The following CTNNA2 variants were observed in gnomAD, a reference collection of about 807,000 sequenced individuals.
The protein encoded by CTNNA2 is catenin alpha-2.
A neutral mutation model predicts 101.0 loss-of-function variants in CTNNA2; 42 were observed. That is an observed-to-expected ratio of 0.42 (90% CI 0.32 to 0.54). The LOEUF (loss-of-function observed/expected upper bound fraction) is 0.54, where lower values mean the gene tolerates loss of function less well. CTNNA2 is among the 20% of genes least tolerant of loss of function. CTNNA2 has a pLI of 0.14. For synonymous variants in CTNNA2, 450 were observed against 456.4 expected, an observed-to-expected ratio of 0.99 and a Z score of 0.18; for missense variants, 871 against 1,223.1, an observed-to-expected ratio of 0.71 and a Z score of 4.29.
intron 2 of CTNNA2, among the ~76,000 whole-genome samples, chr2:79,740,354 T>G (rs1463894920): frequency 6.6e-6 from 1 of 152,172 alleles, no homozygotes; most frequent in Non-Finnish European, 1.5e-5. Context: ...AGCAACAAAT[T>G]TTCTTATTAT....
intron 7 of CTNNA2, among the ~76,000 whole-genome samples, chr2:80,209,262 CA>C (rs1281698738): frequency 2.0e-5 from 3 of 150,374 alleles, no homozygotes; most frequent in Non-Finnish European, 4.4e-5. Context: ...ACTGCAGCGG[CA>C]CGATCCTGGC....
chr2:80,289,829 G>T (rs547096557), intron 7 of CTNNA2, among the ~76,000 whole-genome samples: 1 of 152,266 alleles, frequency 6.6e-6, no homozygotes, highest in South Asian at 2.1e-4. Context: ...TTCCTAATAA[G>T]AAGTCAAAAG....
intron 2 of CTNNA2, among the ~76,000 whole-genome samples, chr2:79,727,829 T>TGA (rs199665439): frequency 0.026 from 3,883 of 150,734 alleles, 67 homozygotes; most frequent in South Asian, 0.06. Context: ...TATGCAGTGT[T>TGA]TGGTTTTTTG....
chr2:79,276,276 A>G (rs895431917), intron 2 of CTNNA2, among the ~76,000 whole-genome samples: 4 of 152,064 alleles, frequency 2.6e-5, no homozygotes, highest in African/African-American at 9.7e-5. Context: ...TTGTTTTTAT[A>G]TATTATTCTA....
intron 4 of CTNNA2, among the ~76,000 whole-genome samples, chr2:79,433,421 G>A (rs948759243): frequency 6.6e-6 from 1 of 152,100 alleles, no homozygotes; most frequent in Non-Finnish European, 1.5e-5. Context: ...GTGCCTAACA[G>A]AGAAAGCTGA....
intron 7 of CTNNA2, among the ~76,000 whole-genome samples, chr2:80,278,017 T>C (rs1674062648): frequency 6.6e-6 from 1 of 152,146 alleles, no homozygotes; most frequent in African/African-American, 2.4e-5. Context: ...TGGGTAGTGG[T>C]TAACAGTGTG....
intron 1 of CTNNA2, among the ~76,000 whole-genome samples, chr2:79,651,133 T>G (rs1681217766): frequency 6.6e-6 from 1 of 152,164 alleles, no homozygotes; most frequent in Non-Finnish European, 1.5e-5. Context: ...TCTAGAACTC[T>G]CTGTGTTTCT....
At chr2:79,217,411 A>G (rs1363039309) in intron 2 of CTNNA2, among the ~76,000 whole-genome samples, 2 of 152,100 alleles carry the variant, frequency 1.3e-5, no homozygotes, top group African/African-American at 4.8e-5. Context: ...AAAGAGAGTC[A>G]GTGAAGGGAG....
At chr2:79,339,734 G>A (rs1677086262) in intron 3 of CTNNA2, 1 of 152,392 alleles carries the variant, frequency 6.6e-6, no homozygotes, top group South Asian at 2.1e-4. Flanking sequence ...GGAAGAGAAA[G>A]AGTGCTGCCC....
intron 7 of CTNNA2, among the ~76,000 whole-genome samples, chr2:80,024,392 G>C (rs1184449743): frequency 1.3e-5 from 2 of 152,194 alleles, no homozygotes; most frequent in Non-Finnish European, 2.9e-5. Context: ...ACTGCATTGA[G>C]TCTTGAGGAG....
chr2:79,663,703 T>G (rs1177019839), intron 2 of CTNNA2, among the ~76,000 whole-genome samples: 1 of 152,200 alleles, frequency 6.6e-6, no homozygotes, highest in Non-Finnish European at 1.5e-5. Context: ...TCAGAACACT[T>G]GTTACTATTT....
chr2:80,415,455 G>T (rs1415033049), intron 8 of CTNNA2, among the ~76,000 whole-genome samples: 2 of 151,766 alleles, frequency 1.3e-5, no homozygotes, highest in Non-Finnish European at 2.9e-5. Flanking sequence ...TTTTCAAGTT[G>T]TTCATCACTA....
chr2:80,063,956 G>C (rs1697791966), intron 7 of CTNNA2, among the ~76,000 whole-genome samples: 1 of 152,124 alleles, frequency 6.6e-6, no homozygotes, highest in Non-Finnish European at 1.5e-5. Context: ...AAGGCTGCAG[G>C]CTGTCACACC....
intron 6 of CTNNA2, among the ~76,000 whole-genome samples, chr2:79,896,856 T>C (rs767388811): frequency 5.9e-5 from 9 of 152,094 alleles, no homozygotes; most frequent in Non-Finnish European, 1.0e-4. Flanking sequence ...GCTGAAACAG[T>C]CAGCAGAGAA....
At chr2:80,522,630 T>G (rs546837289) in intron 9 of CTNNA2, among the ~76,000 whole-genome samples, 1 of 151,954 alleles carries the variant, frequency 6.6e-6, no homozygotes, top group Non-Finnish European at 1.5e-5. Context: ...TGGGAGGTGA[T>G]TGGATCATGG....
At chr2:80,496,517 A>G (rs1171013417) in intron 9 of CTNNA2, among the ~76,000 whole-genome samples, 1 of 151,364 alleles carries the variant, frequency 6.6e-6, no homozygotes, top group Non-Finnish European at 1.5e-5. Context: ...CTCTGCCACT[A>G]GCTAGCTAGC....
intron 7 of CTNNA2, among the ~76,000 whole-genome samples, chr2:80,339,351 T>C (rs1156910498): frequency 6.6e-6 from 1 of 152,196 alleles, no homozygotes; most frequent in Non-Finnish European, 1.5e-5. Context: ...AGGGTATTAA[T>C]GAGGTCTATG....
At chr2:79,824,671 T>G (rs865889889) in intron 3 of CTNNA2, among the ~76,000 whole-genome samples, 9 of 152,236 alleles carry the variant, frequency 5.9e-5, no homozygotes, top group Non-Finnish European at 1.0e-4. Context: ...TGTAGAATAT[T>G]CTAGAGGGGC....
chr2:80,346,906 A>G (rs901430554), intron 7 of CTNNA2, among the ~76,000 whole-genome samples: 1 of 152,240 alleles, frequency 6.6e-6, no homozygotes, highest in East Asian at 1.9e-4. Flanking sequence ...GTTCTAAGAC[A>G]GCAGAATTTT....
Sources: allele counts gnomAD v4.1 joint callset (sites outside exome capture counted in the v4.1 genomes callset), GRCh38; gene constraint gnomAD v4.1.1; transcripts MANE v1.5; gene names NCBI Gene and HGNC (gene_info 2026-07-23, HGNC 2026-07-21).